Variants in HGF observed in about 807,000 individuals in gnomAD.
HGF encodes the protein fibroblast-derived tumor cytotoxic factor.
Under a neutral mutation model 111.6 loss-of-function variants are expected in HGF, and 39 were observed. The observed-to-expected ratio is 0.35, with a 90% CI of 0.27 to 0.46. The LOEUF is 0.46. Among genes scored for constraint, HGF ranks in the 20% least tolerant of loss-of-function variants. HGF has a pLI of 1.00. For synonymous variants in HGF, 285 were observed against 294.8 expected (o/e 0.97, Z 0.34); for missense variants, 735 against 910.5 (o/e 0.81, Z 2.48).
At chr7:81,716,916 G>A (rs1423882247) in intron 11 of HGF, among the ~76,000 whole-genome samples, 2 of 152,036 alleles carry the variant, frequency 1.3e-5, no homozygotes, top group Admixed American at 6.6e-5. Flanking sequence ...TGGGGGGTGG[G>A]GAGATCTTTC....
At position 81,744,055 on chromosome 7, in the gene HGF, C is replaced by T. The variant is rs187128766; in HGVS notation, c.747-584G>A. ...ATCCCTTCTGCTCTCACTTAAACGA[C>T]AAGACAAGCATTTATTTGGAAAATA... On this transcript the variant is annotated intron_variant, in intron 6 of 17. Transcript: ENST00000222390. Among the ~76,000 whole-genome samples, 130 of 152,052 alleles carry T rather than the reference C, an allele frequency of 8.5e-4. 1 individual carries two copies. The highest frequency in any genetic ancestry group is 2.8e-3 in the African/African-American group (117 of 41,452).
intron 7 of HGF, among the ~76,000 whole-genome samples, chr7:81,736,995 T>C (rs1198508391): frequency 6.6e-6 from 1 of 151,088 alleles, no homozygotes; most frequent in East Asian, 2.0e-4. Flanking sequence ...AAATAGTGGA[T>C]ATAGATATTT....
chr7:81,747,113 C>A (rs1414314804), intron 5 of HGF, among the ~76,000 whole-genome samples: 2 of 152,206 alleles, frequency 1.3e-5, no homozygotes, highest in African/African-American at 2.4e-5. Flanking sequence ...CCAAGATGGG[C>A]GGATCACGAG....
At chr7:81,758,515 C>T (rs1788895116) in intron 3 of HGF, among the ~76,000 whole-genome samples, 177 bp downstream of exon 3, 2 of 151,834 alleles carry the variant, frequency 1.3e-5, no homozygotes, top group South Asian at 4.1e-4. Context: ...CTTAAAGTAC[C>T]ATACTAAAAA....
chr7:81,742,636 G>T, intron 7 of HGF: 1 of 1,034,402 alleles, frequency 9.7e-7, no homozygotes, highest in Non-Finnish European at 1.2e-6. Context: ...GAAAATGTGT[G>T]ACTTAACCAT....
At chr7:81,759,573 C>T (rs1303264079) in intron 2 of HGF, among the ~76,000 whole-genome samples, 3 of 151,540 alleles carry the variant, frequency 2.0e-5, no homozygotes, top group Non-Finnish European at 2.9e-5. Flanking sequence ...GGTGTGATCT[C>T]GGCTCACTGC....
intron 4 of HGF, chr7:81,755,441 A>G (rs537003246): frequency 1.3e-5 from 2 of 152,248 alleles, no homozygotes; most frequent in South Asian, 4.1e-4. Context: ...CCTCTCGGCC[A>G]TAAACATCTA....
At chr7:81,719,312 T>C (rs952115245) in intron 10 of HGF, among the ~76,000 whole-genome samples, 2 of 152,168 alleles carry the variant, frequency 1.3e-5, no homozygotes, top group South Asian at 2.1e-4. Context: ...TAAAATATGC[T>C]ATCTTTCATA....
intron 8 of HGF, among the ~76,000 whole-genome samples, chr7:81,728,905 T>A (rs1167234667): frequency 2.0e-5 from 3 of 152,240 alleles, no homozygotes; most frequent in Admixed American, 2.0e-4. Flanking sequence ...TCACTTTATG[T>A]TCCTCATAAC....
Position 81,743,467 on chromosome 7 carries a change from GA to G in HGF, c.750del (p.Asp252ThrfsTer42). 1 of 1,599,784 alleles carries G rather than the reference GA, an allele frequency of 6.3e-7. No homozygotes were observed. Among genetic ancestry groups the G allele is most frequent in the Non-Finnish European group, 8.6e-7 (1 of 1,167,000 alleles). On this transcript the variant is annotated frameshift_variant, in exon 7 of 18. Coordinates refer to ENST00000222390, the MANE Select transcript of HGF (RefSeq NM_000601.6). LOFTEE classifies it high-confidence loss of function. ...TAATTATCATCAAAGCCCTTGTCGG[GA>G]TATCTGCAAACCACACCAAGAAAAG... Reference protein sequence around the residue: ...PHRHKFLPERYPDKGFDDNYC... With the variant: ...PHRHKFLPERXPDKGFDDNYC...
intron 17 of HGF, among the ~76,000 whole-genome samples, chr7:81,703,752 G>T (rs1258597984): frequency 2.0e-5 from 3 of 151,526 alleles, no homozygotes; most frequent in African/African-American, 7.3e-5. Context: ...TCCCTAAACA[G>T]CGATGGGGGA....
chr7:81,765,074 C>T (rs953743572), intron 1 of HGF, among the ~76,000 whole-genome samples: 1 of 151,826 alleles, frequency 6.6e-6, no homozygotes, highest in Non-Finnish European at 1.5e-5. Flanking sequence ...TTGAAGTTGG[C>T]CTGATATATA....
chr7:81,721,019 GC>G (rs1358885034), intron 9 of HGF, among the ~76,000 whole-genome samples, 172 bp from the exon 10 acceptor site: 3 of 152,236 alleles, frequency 2.0e-5, no homozygotes, highest in Non-Finnish European at 4.4e-5. Flanking sequence ...GCCAAGGCGG[GC>G]CCATCACGAG....
At chr7:81,751,438 A>G (rs1265536004) in intron 5 of HGF, 5 of 985,126 alleles carry the variant, frequency 5.1e-6, no homozygotes, top group Non-Finnish European at 6.0e-6. Flanking sequence ...CTGCAAAAGT[A>G]AGGACAATGC....
Position 81,702,759 on chromosome 7 carries a change from T to TA in HGF, c.2011-3dup, listed in dbSNP as rs1363809103. The TA allele has an allele frequency of 1.9e-6, 3 of 1,609,934 alleles. No homozygotes were observed. In the Admixed American group the frequency reaches 5.0e-5, roughly 27 times the overall value. ...AACAAGTGGGCCACCATAATCCCCC[T>TA]AGGAGTAAGACATACAAAAACAAAG... On this transcript the variant is annotated splice_polypyrimidine_tract_variant and splice_region_variant and intron_variant, in intron 17 of 17. Transcript: ENST00000222390.
At chr7:81,716,881 GA>G (rs545737806) in intron 11 of HGF, among the ~76,000 whole-genome samples, 38 of 152,156 alleles carry the variant, frequency 2.5e-4, no homozygotes, top group African/African-American at 9.2e-4. Flanking sequence ...GCTATATTCA[GA>G]AGCTGAACAG....
At position 81,702,164 on chromosome 7, in the gene HGF, A is replaced by G. The variant is rs1451982710; in HGVS notation, c.*417T>C. 1 of 234,830 alleles carries G rather than the reference A, an allele frequency of 4.3e-6. No individual in the cohort carries two copies. Among genetic ancestry groups the G allele is most frequent in the Admixed American group, 5.2e-5 (1 of 19,256 alleles). 14.5% of individuals were successfully genotyped at this position (234,830 alleles called of 1,614,324 possible). A position where few individuals can be genotyped will look rare whatever the true frequency, so the allele number is the denominator to read the frequency against. On this transcript the variant is annotated 3_prime_UTR_variant, in exon 18 of 18. Coordinates refer to ENST00000222390, the MANE Select transcript of HGF (RefSeq NM_000601.6). ...ATAATTTAATATAGGGCTACAATTT[A>G]GGGACACAAGGTATAAATTGTTTTG...
intron 1 of HGF, among the ~76,000 whole-genome samples, chr7:81,768,963 C>T (rs1789499112): frequency 6.6e-6 from 1 of 152,180 alleles, no homozygotes; most frequent in Non-Finnish European, 1.5e-5. Context: ...TCAAAAGATA[C>T]AGCCAGTTCT....
rs1789994144 is a variant in HGF at position 81,725,918 on chromosome 7, A to G, written c.1140T>C (p.Ile380=). 1 of 1,613,966 alleles carries G rather than the reference A, an allele frequency of 6.2e-7. No individual in the cohort carries two copies. The highest frequency in any genetic ancestry group is 1.3e-5 in the African/African-American group (1 of 74,912). The change falls in exon 9 of 18, where the codon ATT becomes ATC. Residue 380 remains isoleucine (I), a synonymous_variant. Coordinates refer to ENST00000222390, the MANE Select transcript of HGF (RefSeq NM_000601.6). ...PNIRVGYCSQ[I]PNCDMSHGQD... is the part of the protein sequence containing the mutation. Reference sequence around the variant, plus strand: ...GTCCATGTGACATATCACAGTTTGGAATTTGGGAGCAGTAGCCAACTCGGA... The same window carrying G: ...GTCCATGTGACATATCACAGTTTGGGATTTGGGAGCAGTAGCCAACTCGGA...
Sources: allele counts gnomAD v4.1 joint callset (sites outside exome capture counted in the v4.1 genomes callset), GRCh38; gene constraint gnomAD v4.1.1; transcripts MANE v1.5; gene names NCBI Gene and HGNC (gene_info 2026-07-23, HGNC 2026-07-21).